The following ILDR1 variants were observed in gnomAD, a reference collection of about 807,000 sequenced individuals.
ILDR1 encodes the protein immunoglobulin-like domain-containing receptor 1.
Under a neutral mutation model 62.4 loss-of-function variants are expected in ILDR1, and 56 were observed. The ratio of observed to expected loss-of-function variants is 0.90; its 90% confidence interval spans 0.72 to 1.12. The LOEUF (loss-of-function observed/expected upper bound fraction) is 1.12. Among genes scored for constraint, ILDR1 ranks in the 50% most tolerant of loss-of-function variants. The pLI, the probability that ILDR1 is intolerant of heterozygous loss-of-function variation, is 0.00. For missense variants in ILDR1, 736 were observed against 710.6 expected, an observed-to-expected ratio of 1.04 and a Z score of -0.41; for synonymous variants, 284 against 277.8, an observed-to-expected ratio of 1.02 and a Z score of -0.22.
At chr3:122,059,228 C>G in the ILDR1 span, among the ~76,000 whole-genome samples, 1 of 152,120 alleles carries the variant, frequency 6.6e-6, no homozygotes. Flanking sequence ...TTGAAATTCT[C>G]ATTGTGGGTC....
the ILDR1 span, among the ~76,000 whole-genome samples, chr3:122,029,335 C>T: frequency 6.6e-6 from 1 of 151,862 alleles, no homozygotes; most frequent in East Asian, 1.9e-4. Context: ...GGTGAAACCC[C>T]GTTTCTACTA....
chr3:122,017,891 A>G (rs923805791), intron 1 of ILDR1, among the ~76,000 whole-genome samples: 3 of 152,212 alleles, frequency 2.0e-5, no homozygotes, highest in African/African-American at 7.2e-5. Flanking sequence ...GTCAGGAAAC[A>G]ACAGATGCGG....
intron 3 of ILDR1, among the ~76,000 whole-genome samples, chr3:122,004,314 A>G (rs546006643): frequency 6.6e-6 from 1 of 152,352 alleles, no homozygotes; most frequent in African/African-American, 2.4e-5. Flanking sequence ...ATGAGGAGCT[A>G]AGCTAAGCCA....
At chr3:121,997,562 GA>G (rs1248428722) in intron 5 of ILDR1, among the ~76,000 whole-genome samples, 1 of 152,182 alleles carries the variant, frequency 6.6e-6, no homozygotes, top group East Asian at 1.9e-4. Context: ...AACCAGCCCT[GA>G]ACGTGGAGCC....
intron 1 of ILDR1, among the ~76,000 whole-genome samples, chr3:122,020,497 T>C (rs59176623): frequency 0.03 from 4,527 of 152,298 alleles, 170 homozygotes; most frequent in African/African-American, 0.091. Flanking sequence ...CAATTTCTCA[T>C]CTATAAAGTG....
the ILDR1 span, among the ~76,000 whole-genome samples, chr3:122,032,235 T>G: frequency 2.0e-5 from 3 of 152,332 alleles, no homozygotes; most frequent in South Asian, 6.2e-4. Context: ...TAGTACACAT[T>G]CTGGGGGTTT....
At chr3:122,032,338 G>T in the ILDR1 span, among the ~76,000 whole-genome samples, 2 of 152,132 alleles carry the variant, frequency 1.3e-5, no homozygotes, top group African/African-American at 2.4e-5. Context: ...CATTGTATTA[G>T]AATATACTGC....
chr3:122,054,748 T>C, the ILDR1 span, among the ~76,000 whole-genome samples: 1 of 152,226 alleles, frequency 6.6e-6, no homozygotes, highest in Non-Finnish European at 1.5e-5. Flanking sequence ...AGTTTCTGCT[T>C]GATTAATTCT....
chr3:122,015,743 G>A (rs2071767758), intron 1 of ILDR1, among the ~76,000 whole-genome samples: 1 of 152,180 alleles, frequency 6.6e-6, no homozygotes, highest in Non-Finnish European at 1.5e-5. Flanking sequence ...CTTTATAGCA[G>A]CATGAGAACG....
At chr3:122,016,186 T>C (rs1325798333) in intron 1 of ILDR1, among the ~76,000 whole-genome samples, 2 of 152,232 alleles carry the variant, frequency 1.3e-5, no homozygotes, top group Non-Finnish European at 2.9e-5. Context: ...ATTACTTTGG[T>C]TTGAATTCAT....
chr3:122,000,066 C>T (rs1472368602), intron 5 of ILDR1, among the ~76,000 whole-genome samples: 4 of 151,540 alleles, frequency 2.6e-5, no homozygotes, highest in Non-Finnish European at 4.4e-5. Context: ...AAAACAGCCA[C>T]AGATGCATCT....
rs764090949 is a variant in ILDR1 at position 121,993,950 on chromosome 3, G to T, written c.799C>A (p.Leu267Ile). Residue 267 changes from leucine (L) to isoleucine (I), a missense_variant, in exon 7 of 8, where the codon CTC (leucine) becomes ATC (isoleucine). By Grantham distance (5) the Leu-to-Ile change is conservative. Transcript: ENST00000344209. ...GTCTGGGTCATTGGCATCTGCGGGA[G>T]GCTGGACGGCAGGGACAAATCTGAA... Reference protein sequence around the residue: ...LQRDLSLPSSLPQMPMTQTTN... With the variant: ...LQRDLSLPSSIPQMPMTQTTN... 1.2e-6 allele frequency: 2 copies of T among 1,611,688 alleles called. No individual in the cohort carries two copies. The highest frequency in any genetic ancestry group is 1.1e-5 in the South Asian group (1 of 91,078).
intron 1 of ILDR1, among the ~76,000 whole-genome samples, chr3:122,020,060 C>T (rs1321790743): frequency 6.6e-6 from 1 of 152,184 alleles, no homozygotes; most frequent in Non-Finnish European, 1.5e-5. Context: ...ATTCAGAATT[C>T]CAACCTGATA....
chr3:121,992,272 G>T (rs1236705789), intron 7 of ILDR1, among the ~76,000 whole-genome samples: 1 of 152,098 alleles, frequency 6.6e-6, no homozygotes, highest in Non-Finnish European at 1.5e-5. Context: ...GAGTAACTTG[G>T]ATTACAGGCA....
chr3:122,052,982 A>G, the ILDR1 span, among the ~76,000 whole-genome samples: 9 of 152,252 alleles, frequency 5.9e-5, no homozygotes, highest in Non-Finnish European at 1.5e-5. Flanking sequence ...AGGACAGACT[A>G]TGGTGAGGGT....
rs1378159683 is a variant in ILDR1, at chr3:121,988,237, G to GATTC, written c.*126_*129dup. On this transcript the variant is annotated 3_prime_UTR_variant, in exon 8 of 8. Transcript: ENST00000344209. ...TCTTGTATTTAAAATTCTTCTATTT[G>GATTC]ATTCTCAGAATCTAAGCCAAAAACT... The GATTC allele has an allele frequency of 1.3e-6, 1 of 777,604 alleles. No homozygotes were observed. The allele number at this position is 777,604 out of a possible 1,614,324, so 48.2% of individuals were successfully genotyped here. A position where few individuals can be genotyped will look rare whatever the true frequency, so the allele number is the denominator to read the frequency against.
chr3:122,054,462 T>C, the ILDR1 span, among the ~76,000 whole-genome samples: 3 of 152,234 alleles, frequency 2.0e-5, no homozygotes, highest in Admixed American at 6.5e-5. Flanking sequence ...TTAACTGGCA[T>C]CTTATCTAGG....
At chr3:122,004,288 A>G (rs1010764601) in intron 3 of ILDR1, among the ~76,000 whole-genome samples, 1 of 152,214 alleles carries the variant, frequency 6.6e-6, no homozygotes, top group Non-Finnish European at 1.5e-5. Flanking sequence ...GCAACTGTGG[A>G]TTACACAATA....
rs760552311 is a variant in ILDR1, at chr3:122,022,001, C to A, written c.58+19G>T. 2.5e-6 allele frequency: 4 copies of A among 1,606,376 alleles called. No homozygotes were observed. Among genetic ancestry groups the A allele is most frequent in the Non-Finnish European group, 3.4e-6 (4 of 1,176,176 alleles). On this transcript the variant is annotated intron_variant, in intron 1 of 7. Coordinates refer to ENST00000344209, the MANE Select transcript of ILDR1 (RefSeq NM_001199799.2). ...TGTCTCCTTGGGTCCAGGGTGGGTA[C>A]CATTTTTCCAAGGCTCACCTGCTGG...
Sources: gnomAD v4.1 joint callset for allele counts (sites outside exome capture counted in the v4.1 genomes callset) on GRCh38, gnomAD v4.1.1 for gene constraint, MANE v1.5 for transcripts, NCBI Gene and HGNC (gene_info 2026-07-23, HGNC 2026-07-21) for gene names.